Variants in TNR observed in about 807,000 individuals in gnomAD.
TNR encodes tenascin R, also known as tenascin-R.
A neutral mutation model predicts 150.4 loss-of-function variants in TNR; 45 were observed. The ratio of observed to expected loss-of-function variants is 0.30; its 90% CI spans 0.24 to 0.38. The LOEUF (loss-of-function observed/expected upper bound fraction) is 0.38. Ranked by LOEUF, TNR falls within the 10% of genes least tolerant of loss-of-function variation. The probability of loss-of-function intolerance (pLI) is 1.00; values close to 1 mark genes in which losing one functional copy is unlikely to be tolerated. For synonymous variants in TNR, 687 were observed against 678.4 expected, an observed-to-expected ratio of 1.01 and a Z score of -0.20; for missense variants, 1,544 against 1,759.1, an observed-to-expected ratio of 0.88 and a Z score of 2.19.
rs576840525 is a variant in TNR, at chr1:175,621,297, A to G, written c.-164-92928T>C. Among the ~76,000 whole-genome samples, 4 of 152,194 alleles carry G rather than the reference A, an allele frequency of 2.6e-5. No homozygotes were observed. The South Asian group carries it at 6.2e-4, about 24-fold the overall frequency. ...CTAATCTTCCTGATCAAAATCTTCT[A>G]ATGCCTCCTTACTGCCTGCTGAATC... is the stretch of plus-strand genomic sequence containing the variant. On this transcript the variant is annotated intron_variant, in intron 1 of 22. Transcript: ENST00000367674.
rs68115971 is a variant in TNR at position 175,353,853 on chromosome 1, T to TTA, written c.3382+537_3382+538insTA. The stretch of plus-strand genomic sequence containing the variant: ...CCTGATTTTTTAAATTTTTATTTAT[T>TTA]TTTTTTTTTTGAGACGGAGTCTCAC... On this transcript the variant is annotated intron_variant, in intron 18 of 22. Coordinates refer to ENST00000367674, the MANE Select transcript of TNR (RefSeq NM_003285.3). 6.7e-4 allele frequency among the ~76,000 whole-genome samples: 98 copies of TTA among 147,264 alleles called. No individual in the cohort carries two copies. In the East Asian group the frequency reaches 0.017, roughly 26 times the overall value.
chr1:175,666,926 T>C (rs957261274), intron 1 of TNR, among the ~76,000 whole-genome samples: 3 of 151,848 alleles, frequency 2.0e-5, no homozygotes, highest in Admixed American at 1.3e-4. Flanking sequence ...TTGTAAAACA[T>C]TTTTTTTATA....
At position 175,403,483 on chromosome 1, in the gene TNR, C is replaced by A; in HGVS notation, c.633G>T (p.Arg211=). 6.2e-7 allele frequency: 1 copy of A among 1,614,252 alleles called. No homozygotes were observed. The highest frequency in any genetic ancestry group is 8.5e-7 in the Non-Finnish European group (1 of 1,180,056). ...TGCACTGGCCATCCACACACACCCC[C>A]CGGCTGGAGCAACCCAGCGGGCAGT... is the stretch of plus-strand genomic sequence containing the variant. ...EPYCPLGCSS[R]GVCVDGQCIC... is the part of the protein sequence containing the mutation. Residue 211 remains arginine (R), a synonymous_variant, in exon 4 of 23, where the codon CGG becomes CGT. Transcript: ENST00000367674.
At chr1:175,704,949 C>CG (rs977561497) in intron 1 of TNR, among the ~76,000 whole-genome samples, 13 of 151,946 alleles carry the variant, frequency 8.6e-5, no homozygotes, top group South Asian at 2.1e-4. Context: ...AGTGAGGGGA[C>CG]GGGGGATGTT....
At chr1:175,448,737 T>C (rs564173839) in intron 2 of TNR, among the ~76,000 whole-genome samples, 1 of 152,332 alleles carries the variant, frequency 6.6e-6, no homozygotes, top group South Asian at 2.1e-4. Context: ...GCTTCCGATA[T>C]TCACTTTCGT....
intron 1 of TNR, among the ~76,000 whole-genome samples, chr1:175,537,295 G>C (rs891521643): frequency 6.6e-6 from 1 of 152,236 alleles, no homozygotes; most frequent in Non-Finnish European, 1.5e-5. Context: ...GAATGAAGGA[G>C]AGTTCTGGTC....
At chr1:175,721,278 TCTTA>T (rs1667290651) in intron 1 of TNR, among the ~76,000 whole-genome samples, 1 of 152,196 alleles carries the variant, frequency 6.6e-6, no homozygotes, top group Non-Finnish European at 1.5e-5. Context: ...TTTAAAATAA[TCTTA>T]CTTGATTATT....
At chr1:175,733,495 C>A (rs925530327) in intron 1 of TNR, among the ~76,000 whole-genome samples, 13 of 152,278 alleles carry the variant, frequency 8.5e-5, no homozygotes, top group African/African-American at 2.9e-4. Flanking sequence ...CTTTCCCTCC[C>A]AGTCTCCAAG....
intron 1 of TNR, among the ~76,000 whole-genome samples, chr1:175,669,305 CAG>C (rs1350835799): frequency 6.6e-6 from 1 of 152,206 alleles, no homozygotes; most frequent in Non-Finnish European, 1.5e-5. Flanking sequence ...AGGCCGTTGC[CAG>C]GCACAGGGCC....
intron 1 of TNR, among the ~76,000 whole-genome samples, chr1:175,567,357 T>G (rs965110671): frequency 6.6e-6 from 1 of 152,128 alleles, no homozygotes; most frequent in African/African-American, 2.4e-5. Flanking sequence ...TGGGCTAGCA[T>G]GTGCACAATG....
Position 175,426,024 on chromosome 1 carries a change from G to T in TNR, c.-63-19247C>A, listed in dbSNP as rs150200335. Among the ~76,000 whole-genome samples the T allele has an allele frequency of 5.8e-3, 887 of 152,238 alleles. 8 individuals carry two copies. The highest frequency in any genetic ancestry group is 0.019 in the African/African-American group (787 of 41,536). On this transcript the variant is annotated intron_variant, in intron 2 of 22. Coordinates refer to ENST00000367674, the MANE Select transcript of TNR (RefSeq NM_003285.3). ...ATGACTTGCCTCCATGCTGTTGTTG[G>T]GTCCTAAATCAACCTGGAACTGGAC...
chr1:175,355,461 A>C (rs373704548), intron 17 of TNR, 42 bp downstream of exon 17: 10 of 1,605,018 alleles, frequency 6.2e-6, no homozygotes. Context: ...ACATGGCCTC[A>C]CTTGGAAGAA....
intron 1 of TNR, among the ~76,000 whole-genome samples, chr1:175,617,122 A>G (rs1663803676): frequency 6.6e-6 from 1 of 152,062 alleles, no homozygotes; most frequent in African/African-American, 2.4e-5. Flanking sequence ...CCCTTCCACA[A>G]GCCAATTGTG....
intron 18 of TNR, among the ~76,000 whole-genome samples, chr1:175,340,007 T>G (rs946360297): frequency 6.6e-6 from 1 of 152,216 alleles, no homozygotes; most frequent in African/African-American, 2.4e-5. Flanking sequence ...TGAGATGACT[T>G]AGACAAGGGG....
intron 20 of TNR, among the ~76,000 whole-genome samples, chr1:175,331,504 C>A (rs1038140596): frequency 2.6e-5 from 4 of 152,138 alleles, no homozygotes; most frequent in Admixed American, 6.5e-5. Flanking sequence ...ACCTCGTGAT[C>A]TGCCCGCCTC....
intron 1 of TNR, among the ~76,000 whole-genome samples, chr1:175,708,018 TTGTGTGTG>T (rs10676470): frequency 0.064 from 9,204 of 144,710 alleles, 324 homozygotes; most frequent in South Asian, 0.11. Context: ...ATGTGTGTGT[TTGTGTGTG>T]TGTGTGTGTG....
chr1:175,490,428 G>A (rs998559816), intron 2 of TNR, among the ~76,000 whole-genome samples: 6 of 152,158 alleles, frequency 3.9e-5, no homozygotes, highest in African/African-American at 1.4e-4. Context: ...TCAACGGAGT[G>A]AACAGACAAC....
chr1:175,528,397 A>G (rs768481670), intron 1 of TNR, 28 bp from the exon 2 acceptor site: 6 of 152,222 alleles, frequency 3.9e-5, no homozygotes, highest in Non-Finnish European at 8.8e-5. Context: ...GAGGGAAGAA[A>G]TATATTAATG....
chr1:175,563,492 T>A (rs1209307672), intron 1 of TNR, among the ~76,000 whole-genome samples: 1 of 152,200 alleles, frequency 6.6e-6, no homozygotes, highest in Non-Finnish European at 1.5e-5. Context: ...GTTACTAGCC[T>A]TGAGAACAAA....
Sources: allele counts gnomAD v4.1 joint callset (sites outside exome capture counted in the v4.1 genomes callset), GRCh38; gene constraint gnomAD v4.1.1; transcripts MANE v1.5; gene names NCBI Gene and HGNC (gene_info 2026-07-23, HGNC 2026-07-21).